The following BORCS5 variants were observed in gnomAD, a reference collection of about 807,000 sequenced individuals.
The protein encoded by BORCS5 is BLOC-1 related complex subunit 5, also known as BLOC-1-related complex subunit 5.
Under a neutral mutation model 22.1 loss-of-function variants are expected in BORCS5, and 17 were observed. That is an observed-to-expected ratio of 0.77 (90% confidence interval 0.53 to 1.15). The LOEUF is 1.15. BORCS5 is among the 50% of genes most tolerant of loss of function. BORCS5 has a pLI of 0.00. For missense variants in BORCS5, 247 were observed against 253.2 expected (o/e 0.98, Z 0.17); for synonymous variants, 117 against 99.8 (o/e 1.17, Z -1.03).
intron 2 of BORCS5, among the ~76,000 whole-genome samples, chr12:12,425,954 C>G (rs1023775902): frequency 6.6e-6 from 1 of 152,158 alleles, no homozygotes; most frequent in African/African-American, 2.4e-5. Context: ...TTGTGTGCCT[C>G]CTCTTTGCTA....
intron 2 of BORCS5, among the ~76,000 whole-genome samples, chr12:12,394,783 G>C (rs1941290144): frequency 6.6e-6 from 1 of 152,082 alleles, no homozygotes; most frequent in Non-Finnish European, 1.5e-5. Flanking sequence ...CATACCTTCT[G>C]TGTGGAGTGC....
At chr12:12,388,692 A>G (rs1048030574) in intron 2 of BORCS5, among the ~76,000 whole-genome samples, 6 of 150,194 alleles carry the variant, frequency 4.0e-5, no homozygotes, top group Non-Finnish European at 6.0e-5. Context: ...GGTAACAGCC[A>G]TCTGTGAGTC....
chr12:12,389,194 A>G (rs1179015236), intron 2 of BORCS5, among the ~76,000 whole-genome samples: 1 of 142,114 alleles, frequency 7.0e-6, no homozygotes, highest in African/African-American at 2.7e-5. Context: ...CTGGAGGGCA[A>G]TGGTGCGATC....
At chr12:12,402,949 C>T (rs1302617187) in intron 2 of BORCS5, among the ~76,000 whole-genome samples, 17 of 152,118 alleles carry the variant, frequency 1.1e-4, no homozygotes, top group Non-Finnish European at 2.9e-5. Flanking sequence ...ACTTGGTGCC[C>T]AGAAAACTTC....
intron 2 of BORCS5, among the ~76,000 whole-genome samples, chr12:12,369,648 A>G (rs1324746704): frequency 8.2e-5 from 11 of 134,758 alleles, no homozygotes; most frequent in Admixed American, 3.1e-4. Context: ...TAGAATTACT[A>G]TTGTATCACT....
intron 2 of BORCS5, among the ~76,000 whole-genome samples, chr12:12,401,867 G>A (rs985637711): frequency 1.3e-5 from 2 of 151,716 alleles, no homozygotes; most frequent in African/African-American, 2.4e-5. Flanking sequence ...GACCATCCTG[G>A]TTAACATGGT....
chr12:12,416,700 A>T (rs942876256), intron 2 of BORCS5, among the ~76,000 whole-genome samples: 3 of 151,662 alleles, frequency 2.0e-5, no homozygotes, highest in Non-Finnish European at 4.4e-5. Context: ...GGCTCAAGCG[A>T]TCCTTCCACC....
intron 3 of BORCS5, among the ~76,000 whole-genome samples, chr12:12,457,560 GC>G (rs1943020824): frequency 6.6e-6 from 1 of 152,032 alleles, no homozygotes; most frequent in Non-Finnish European, 1.5e-5. Flanking sequence ...TCCCAGCTAC[GC>G]GGGAGGCTGA....
chr12:12,469,199 T>A lies in BORCS5; in HGVS notation c.*3423T>A, dbSNP rs1331061322. The A allele has an allele frequency of 2.0e-5, 3 of 151,856 alleles. No individual in the cohort carries two copies. Among genetic ancestry groups the A allele is most frequent in the African/African-American group, 7.3e-5 (3 of 41,270 alleles). 9.4% of individuals were successfully genotyped at this position (151,856 alleles called of 1,614,324 possible). On this transcript the variant is annotated 3_prime_UTR_variant, in exon 4 of 4. Transcript: ENST00000314565. ...GAAACCCCATCTCTACTAAAAAAAATACAGAAATTACCCGGGCATGGTGGC... is the reference window on the plus strand; with the variant it reads ...GAAACCCCATCTCTACTAAAAAAAAAACAGAAATTACCCGGGCATGGTGGC...
chr12:12,395,075 G>A (rs1000545097), intron 2 of BORCS5, among the ~76,000 whole-genome samples: 2 of 151,926 alleles, frequency 1.3e-5, no homozygotes, highest in Admixed American at 6.6e-5. Context: ...AACCTAAAAG[G>A]ACAGGTGGGG....
intron 2 of BORCS5, among the ~76,000 whole-genome samples, chr12:12,432,610 T>A (rs983303117): frequency 1.3e-5 from 2 of 152,324 alleles, no homozygotes; most frequent in African/African-American, 4.8e-5. Flanking sequence ...AGCCCCAAAC[T>A]GGAAACAGTC....
intron 1 of BORCS5, among the ~76,000 whole-genome samples, chr12:12,358,860 G>C (rs935402128): frequency 2.0e-5 from 3 of 152,226 alleles, no homozygotes; most frequent in Admixed American, 1.3e-4. Context: ...TACCAAAACA[G>C]GTAAATAAAT....
intron 2 of BORCS5, among the ~76,000 whole-genome samples, chr12:12,409,240 C>A (rs915444304): frequency 2.0e-5 from 3 of 151,754 alleles, no homozygotes; most frequent in Admixed American, 6.6e-5. Context: ...TATTATTATA[C>A]TTTAAGTTTT....
At chr12:12,364,005 C>T (rs909763914) in intron 2 of BORCS5, among the ~76,000 whole-genome samples, 3 of 152,138 alleles carry the variant, frequency 2.0e-5, no homozygotes, top group African/African-American at 7.2e-5. Flanking sequence ...TTGATTAACA[C>T]ATCTTTTGTG....
intron 3 of BORCS5, among the ~76,000 whole-genome samples, chr12:12,463,780 A>G (rs1397882694): frequency 1.3e-5 from 2 of 152,194 alleles, no homozygotes; most frequent in Non-Finnish European, 2.9e-5. Flanking sequence ...ACCTGTGAAG[A>G]TGGCTGTGAA....
At chr12:12,423,414 T>TCTAGTATTAAG (rs2136107965) in intron 2 of BORCS5, among the ~76,000 whole-genome samples, 1 of 150,424 alleles carries the variant, frequency 6.6e-6, no homozygotes, top group South Asian at 2.1e-4. Flanking sequence ...GCAGGGCAGG[T>TCTAGTATTAAG]CTAGTATTAA....
At chr12:12,407,708 G>GT (rs111497303) in intron 2 of BORCS5, among the ~76,000 whole-genome samples, 3,349 of 138,980 alleles carry the variant, frequency 0.024, 96 homozygotes, top group African/African-American at 0.056. Flanking sequence ...TATTCTTTTT[G>GT]TTTTTTTTTT....
chr12:12,414,259 T>C (rs1941845847), intron 2 of BORCS5, among the ~76,000 whole-genome samples: 1 of 51,786 alleles, frequency 1.9e-5, no homozygotes, highest in African/African-American at 9.9e-5. Flanking sequence ...GCAGAGGGGC[T>C]CCTCACTTCC....
intron 3 of BORCS5, among the ~76,000 whole-genome samples, chr12:12,444,396 C>T (rs910418673): frequency 6.6e-6 from 1 of 152,144 alleles, no homozygotes; most frequent in South Asian, 2.1e-4. Context: ...TGTGGCTCTG[C>T]CGTCCCCAAA....
Sources: gnomAD v4.1 joint callset for allele counts (sites outside exome capture counted in the v4.1 genomes callset) on GRCh38, gnomAD v4.1.1 for gene constraint, MANE v1.5 for transcripts, NCBI Gene and HGNC (gene_info 2026-07-23, HGNC 2026-07-21) for gene names.